The following TIMM23 variants were observed in gnomAD, a reference collection of about 807,000 sequenced individuals.
The protein encoded by TIMM23 is translocase of inner mitochondrial membrane 23, also known as mitochondrial import inner membrane translocase subunit Tim23.
Under a neutral mutation model 30.7 loss-of-function variants are expected in TIMM23, and 19 were observed. That is an observed-to-expected ratio of 0.62 (90% CI 0.43 to 0.91). The LOEUF is 0.91. TIMM23 is among the 40% of genes least tolerant of loss of function. The probability of loss-of-function intolerance (pLI) is 0.00; values close to 1 mark genes in which losing one functional copy is unlikely to be tolerated. For missense variants in TIMM23, 202 were observed against 269.2 expected, an observed-to-expected ratio of 0.75 and a Z score of 1.75; for synonymous variants, 78 against 98.5, an observed-to-expected ratio of 0.79 and a Z score of 1.23.
At chr10:45,992,646 C>T in intron 6 of TIMM23, 1 of 404,800 alleles carries the variant, frequency 2.5e-6, no homozygotes, top group Non-Finnish European at 4.9e-6. Flanking sequence ...CAACCTCCAC[C>T]TCCCGGGTTC....
rs1249867668 is a variant in TIMM23, at chr10:45,983,452, G to A, written c.344+522G>A. On this transcript the variant is annotated intron_variant, in intron 4 of 6. Coordinates refer to ENST00000580018, the MANE Select transcript of TIMM23 (RefSeq NM_006327.4). ...CCAAAAGGATAAGACACAGTTTTCTGTTAGAACTTGAAGTTACAGAGAAGG... is the reference window on the plus strand; with the variant it reads ...CCAAAAGGATAAGACACAGTTTTCTATTAGAACTTGAAGTTACAGAGAAGG... 2.0e-3 allele frequency among the ~76,000 whole-genome samples: 303 copies of A among 152,320 alleles called. 3 individuals are homozygous for A. The highest frequency in any genetic ancestry group is 0.019 in the East Asian group (98 of 5,194).
At chr10:45,985,920 A>C (rs1398471293) in intron 5 of TIMM23, among the ~76,000 whole-genome samples, 2 of 152,226 alleles carry the variant, frequency 1.3e-5, no homozygotes, top group African/African-American at 4.8e-5. Context: ...GTAGATAATG[A>C]AAACGTTTGC....
chr10:45,992,464 T>C (rs1170406670), intron 6 of TIMM23: 3 of 455,810 alleles, frequency 6.6e-6, no homozygotes, highest in African/African-American at 4.0e-5. Context: ...CTTAGGAGAA[T>C]TGTGAAACTT....
chr10:45,973,336 C>T (rs1182017316), intron 1 of TIMM23, among the ~76,000 whole-genome samples: 35 of 152,222 alleles, frequency 2.3e-4, no homozygotes, highest in Admixed American at 4.6e-4. Flanking sequence ...AAATATCTTG[C>T]CTTTGCCTCT....
At chr10:45,999,229 C>T (rs1838443640) in intron 6 of TIMM23, among the ~76,000 whole-genome samples, 1 of 152,136 alleles carries the variant, frequency 6.6e-6, no homozygotes. Context: ...CAACCTCCAC[C>T]TCCTAGGCTC....
chr10:45,972,662 G>A lies in TIMM23; in HGVS notation c.38G>A (p.Gly13Glu). 6.2e-7 allele frequency: 1 copy of A among 1,614,016 alleles called. No homozygotes were observed. The highest frequency in any genetic ancestry group is 8.5e-7 in the Non-Finnish European group (1 of 1,179,876). The stretch of plus-strand genomic sequence containing the variant: ...GGGGGAAGCGGCAACAAAACCACAG[G>A]GGGATTGGCCGGCTTTTTCGGAGCC... ...GGGGSGNKTT[G>E]GLAGFFGAGG... The change falls in exon 1 of 7, where the codon GGG becomes GAG. Residue 13 changes from glycine (G) to glutamate (E), a missense_variant. Coordinates refer to ENST00000580018, the MANE Select transcript of TIMM23 (RefSeq NM_006327.4).
At chr10:46,001,096 G>C (rs1838518786) in intron 6 of TIMM23, among the ~76,000 whole-genome samples, 2 of 152,160 alleles carry the variant, frequency 1.3e-5, no homozygotes, top group African/African-American at 4.8e-5. Flanking sequence ...TTCACTTTCA[G>C]CTCTGCAGCT....
chr10:45,993,244 C>CTTTTTTTT lies in TIMM23; in HGVS notation c.514+4407_514+4414dup, dbSNP rs782013689. 5.0e-4 allele frequency among the ~76,000 whole-genome samples: 36 copies of CTTTTTTTT among 72,034 alleles called. 5 individuals are homozygous for CTTTTTTTT. The highest frequency in any genetic ancestry group is 1.6e-3 in the African/African-American group (23 of 14,736). The allele number at this position is 72,034 out of a possible 152,430, so 47.3% of individuals were successfully genotyped here. The stretch of plus-strand genomic sequence containing the variant: ...TTGCCAGTGTGAGCATCTACCATCA[C>CTTTTTTTT]TTTTTTTTTTTTTTTTTGGAGACTG... On this transcript the variant is annotated intron_variant, in intron 6 of 6. Coordinates refer to ENST00000580018, the MANE Select transcript of TIMM23 (RefSeq NM_006327.4).
chr10:45,994,352 T>G (rs1365666993), intron 6 of TIMM23, among the ~76,000 whole-genome samples: 2 of 149,764 alleles, frequency 1.3e-5, no homozygotes, highest in African/African-American at 4.9e-5. Context: ...AAAATAAAAA[T>G]AAAAATAAAT....
intron 6 of TIMM23, among the ~76,000 whole-genome samples, chr10:45,998,592 C>T (rs1243669061): frequency 3.9e-5 from 6 of 152,220 alleles, no homozygotes; most frequent in South Asian, 4.1e-4. Flanking sequence ...CTGGAATTAA[C>T]GGAAACAGTT....
At chr10:45,982,960 G>A (rs1473022551) in intron 4 of TIMM23, 30 bp downstream of exon 4, 8 of 1,613,494 alleles carry the variant, frequency 5.0e-6, no homozygotes, top group Non-Finnish European at 6.8e-6. Context: ...CTGATGTAGT[G>A]ATACTTGAAT....
chr10:46,002,518 G>C, intron 6 of TIMM23: 5 of 984,350 alleles, frequency 5.1e-6, no homozygotes, highest in Non-Finnish European at 4.8e-6. Context: ...AGAGTCCAAA[G>C]GTTGTTAATA....
intron 6 of TIMM23, among the ~76,000 whole-genome samples, chr10:45,997,240 G>A (rs1838369017): frequency 6.6e-6 from 1 of 152,010 alleles, no homozygotes; most frequent in African/African-American, 2.4e-5. Context: ...TATATACATA[G>A]AATAGAATAT....
At chr10:45,998,831 CT>C (rs35752006) in intron 6 of TIMM23, among the ~76,000 whole-genome samples, 56,549 of 124,972 alleles carry the variant, frequency 0.45, 11,434 homozygotes, top group Admixed American at 0.53. Flanking sequence ...TCCCAAATAT[CT>C]TTTTTTTTTT....
chr10:45,978,404 T>A (rs1419763490), intron 2 of TIMM23, among the ~76,000 whole-genome samples: 4 of 152,204 alleles, frequency 2.6e-5, no homozygotes, highest in Admixed American at 2.6e-4. Context: ...ATTTGCATAT[T>A]ATGTATCTGA....
intron 5 of TIMM23, 91 bp downstream of exon 5, chr10:45,985,532 G>A (rs1395901873): frequency 1.4e-6 from 2 of 1,422,750 alleles, no homozygotes; most frequent in African/African-American, 1.4e-5. Flanking sequence ...CTGGTCCTAG[G>A]ATATGAGACA....
intron 2 of TIMM23, among the ~76,000 whole-genome samples, chr10:45,982,242 G>A (rs1297806241): frequency 2.2e-4 from 34 of 152,278 alleles, no homozygotes; most frequent in South Asian, 1.5e-3. Context: ...TTTCTCTAGA[G>A]CTGTCCTTTC....
intron 4 of TIMM23, 141 bp from the exon 5 acceptor site, chr10:45,985,242 C>T (rs1234673932): frequency 5.5e-6 from 4 of 722,628 alleles, no homozygotes; most frequent in African/African-American, 1.8e-5. Context: ...TTATTGAAAT[C>T]GGAGATATTA....
intron 6 of TIMM23, among the ~76,000 whole-genome samples, chr10:45,990,189 C>G (rs879965826): frequency 6.7e-6 from 1 of 149,020 alleles, no homozygotes; most frequent in African/African-American, 2.5e-5. Flanking sequence ...GTGGCATGAT[C>G]TCAGCTCACT....
Sources: gnomAD v4.1 joint callset for allele counts (sites outside exome capture counted in the v4.1 genomes callset) on GRCh38, gnomAD v4.1.1 for gene constraint, MANE v1.5 for transcripts, NCBI Gene and HGNC (gene_info 2026-07-23, HGNC 2026-07-21) for gene names.